TP73: variants seen among roughly 807,000 people sequenced by gnomAD.
TP73 encodes tumor protein p73.
A neutral mutation model predicts 62.5 loss-of-function variants in TP73; 25 were observed. The observed-to-expected ratio is 0.40, with a 90% CI of 0.29 to 0.56. TP73 has a LOEUF of 0.56. Ranked by LOEUF, TP73 falls within the 20% of genes least tolerant of loss-of-function variation. The pLI is 0.46. For synonymous variants in TP73, 423 were observed against 377.5 expected, an observed-to-expected ratio of 1.12 and a Z score of -1.40; for missense variants, 754 against 913.3, an observed-to-expected ratio of 0.83 and a Z score of 2.25.
intron 3 of TP73, among the ~76,000 whole-genome samples, chr1:3,690,311 C>T (rs930613208): frequency 3.9e-5 from 6 of 152,332 alleles, no homozygotes; most frequent in East Asian, 1.9e-4. Flanking sequence ...CCGAGTTCCC[C>T]GCGCAGGGGG....
chr1:3,710,500 C>T (rs2124413997), intron 4 of TP73, among the ~76,000 whole-genome samples: 1 of 152,282 alleles, frequency 6.6e-6, no homozygotes, highest in South Asian at 2.1e-4. Flanking sequence ...TTGCGTCCGG[C>T]CTCTGCACCG....
intron 1 of TP73, among the ~76,000 whole-genome samples, chr1:3,667,118 G>C (rs1161994123): frequency 6.6e-6 from 1 of 152,168 alleles, no homozygotes; most frequent in Non-Finnish European, 1.5e-5. Flanking sequence ...ACATGCCAAG[G>C]AATATGCCTG....
intron 3 of TP73, among the ~76,000 whole-genome samples, chr1:3,684,438 C>T (rs1031692150): frequency 2.0e-5 from 3 of 152,200 alleles, no homozygotes; most frequent in Admixed American, 1.3e-4. Context: ...GTCCCCATTC[C>T]AGGAGCTGGA....
chr1:3,721,434 C>T (rs1255738410), intron 4 of TP73, among the ~76,000 whole-genome samples: 1 of 152,214 alleles, frequency 6.6e-6, no homozygotes, highest in Non-Finnish European at 1.5e-5. Context: ...GAGAGGGTGT[C>T]AGAGTCACCA....
At chr1:3,669,866 G>A (rs992008399) in intron 1 of TP73, among the ~76,000 whole-genome samples, 1 of 152,238 alleles carries the variant, frequency 6.6e-6, no homozygotes, top group Non-Finnish European at 1.5e-5. Flanking sequence ...AGGGCAGAGT[G>A]TGTACGTGGC....
chr1:3,726,746 G>A (rs1439268361), intron 6 of TP73, among the ~76,000 whole-genome samples: 2 of 148,620 alleles, frequency 1.3e-5, no homozygotes, highest in Non-Finnish European at 3.0e-5. Flanking sequence ...GGGGTTGGTG[G>A]ATGGATGCAT....
intron 3 of TP73, among the ~76,000 whole-genome samples, chr1:3,685,172 C>T (rs1645621395): frequency 6.6e-6 from 1 of 152,204 alleles, no homozygotes; most frequent in African/African-American, 2.4e-5. Context: ...GGCACAGACC[C>T]ACCCTGTGTC....
At chr1:3,713,154 A>G (rs1640297857) in intron 4 of TP73, among the ~76,000 whole-genome samples, 1 of 152,200 alleles carries the variant, frequency 6.6e-6, no homozygotes, top group Non-Finnish European at 1.5e-5. Flanking sequence ...TCAAACTGGG[A>G]CTGGGGGTGG....
chr1:3,726,119 GGATTTATT>G (rs201034742), intron 6 of TP73, among the ~76,000 whole-genome samples: 1 of 103,288 alleles, frequency 9.7e-6, no homozygotes, highest in African/African-American at 3.7e-5. Flanking sequence ...ATGGATGGAT[GGATTTATT>G]GATATTGAAT....
chr1:3,709,031 G>A (rs752155746), intron 4 of TP73, among the ~76,000 whole-genome samples: 1 of 152,208 alleles, frequency 6.6e-6, no homozygotes, highest in East Asian at 1.9e-4. Context: ...CCATAGCTGC[G>A]GTTTTCCCAC....
chr1:3,689,045 C>T (rs1028579932), intron 3 of TP73, among the ~76,000 whole-genome samples: 4 of 152,158 alleles, frequency 2.6e-5, no homozygotes, highest in Non-Finnish European at 5.9e-5. Flanking sequence ...GGAACCCAGG[C>T]CCCGCCTCGG....
intron 7 of TP73, 56 bp downstream of exon 7, chr1:3,727,280 G>C: frequency 6.7e-7 from 1 of 1,499,678 alleles, no homozygotes; most frequent in Non-Finnish European, 9.2e-7. Flanking sequence ...GCACGGCCGG[G>C]GGAGAAGGGG....
chr1:3,723,942 C>T (rs954015952), intron 6 of TP73, among the ~76,000 whole-genome samples: 6 of 152,038 alleles, frequency 3.9e-5, no homozygotes, highest in Non-Finnish European at 7.4e-5. Flanking sequence ...ACTCCTAGGC[C>T]AGGCCAGGGG....
At chr1:3,718,735 C>A (rs751719619) in intron 4 of TP73, among the ~76,000 whole-genome samples, 1 of 152,204 alleles carries the variant, frequency 6.6e-6, no homozygotes, top group Non-Finnish European at 1.5e-5. Context: ...CTCCCCTCCC[C>A]CTGAGTGTCT....
rs1201217516 is a variant in TP73, at chr1:3,684,305, CG to C, written c.186+1127del. On this transcript the variant is annotated intron_variant, in intron 3 of 13. Coordinates refer to ENST00000378295, the MANE Select transcript of TP73 (RefSeq NM_005427.4). Reference sequence around the variant, plus strand: ...AACCAGCCCGAACTGTGGGGATACGCGGAACAGCGCGTCTGGGGCAGGGTCG... The same window carrying C: ...AACCAGCCCGAACTGTGGGGATACGCGAACAGCGCGTCTGGGGCAGGGTCG... Among the ~76,000 whole-genome samples the C allele has an allele frequency of 1.6e-4, 24 of 152,314 alleles. 1 individual carries two copies. The highest frequency in any genetic ancestry group is 1.4e-3 in the Admixed American group (22 of 15,306).
At chr1:3,681,496 C>T (rs979382060) in intron 1 of TP73, among the ~76,000 whole-genome samples, 4 of 152,148 alleles carry the variant, frequency 2.6e-5, no homozygotes, top group Admixed American at 1.3e-4. Flanking sequence ...GACCAGCGGA[C>T]GGGCGCTGGG....
rs996387765 is a variant in TP73 at position 3,670,367 on chromosome 1, T to C, written c.-33-11966T>C. On this transcript the variant is annotated intron_variant, in intron 1 of 13. Transcript: ENST00000378295. This position sits in a 1 kb window ranked among gnomAD's most constrained non-coding sequence, Gnocchi z 5.9. Reference sequence around the variant, plus strand: ...CAGGTGGGGATGTACAGGAGCCCCTTAGAAGTGGGGAAGAAGGCCAGGCGT... The same window carrying C: ...CAGGTGGGGATGTACAGGAGCCCCTCAGAAGTGGGGAAGAAGGCCAGGCGT... 2.6e-5 allele frequency among the ~76,000 whole-genome samples: 4 copies of C among 152,002 alleles called. No homozygotes were observed. The highest frequency in any genetic ancestry group is 5.9e-5 in the Non-Finnish European group (4 of 67,978).
At chr1:3,702,092 T>C (rs1487259465) in intron 3 of TP73, among the ~76,000 whole-genome samples, 1 of 152,216 alleles carries the variant, frequency 6.6e-6, no homozygotes, top group African/African-American at 2.4e-5. Flanking sequence ...GCCCACCTTG[T>C]GGGAACCCCC....
At chr1:3,660,692 G>T (rs928031590) in intron 1 of TP73, among the ~76,000 whole-genome samples, 2 of 139,012 alleles carry the variant, frequency 1.4e-5, no homozygotes, top group African/African-American at 2.5e-5. Context: ...TGATCTTAAT[G>T]TATCAGAAAC....
Sources: allele counts gnomAD v4.1 joint callset (sites outside exome capture counted in the v4.1 genomes callset), GRCh38; gene constraint gnomAD v4.1.1; non-coding constraint Gnocchi (gnomAD v3.1); transcripts MANE v1.5; gene names NCBI Gene and HGNC (gene_info 2026-07-23, HGNC 2026-07-21).